SLIT3: variants seen among roughly 807,000 people sequenced by gnomAD.
The protein encoded by SLIT3 is slit homolog 3 protein.
SLIT3 carries 68 observed loss-of-function variants against 184.0 expected under a neutral mutation model. That is an observed-to-expected ratio of 0.37 (90% CI 0.30 to 0.45). The LOEUF (loss-of-function observed/expected upper bound fraction) is 0.45. SLIT3 is among the 20% of genes least tolerant of loss of function. The probability of loss-of-function intolerance (pLI) is 1.00; values close to 1 mark genes in which losing one functional copy is unlikely to be tolerated. For missense variants in SLIT3, 1,707 were observed against 2,026.0 expected, an observed-to-expected ratio of 0.84 and a Z score of 3.02; for synonymous variants, 831 against 828.6, an observed-to-expected ratio of 1.00 and a Z score of -0.05.
intron 4 of SLIT3, among the ~76,000 whole-genome samples, chr5:169,042,033 T>G (rs61210641): frequency 0.2 from 30,691 of 152,140 alleles, 4,743 homozygotes; most frequent in East Asian, 0.52. Flanking sequence ...TTCTCCCACC[T>G]GTCTTCTTGG....
intron 5 of SLIT3, among the ~76,000 whole-genome samples, chr5:168,864,142 CG>C (rs1281934620): frequency 2.0e-5 from 3 of 151,986 alleles, no homozygotes; most frequent in African/African-American, 7.2e-5. Flanking sequence ...CCCAGGAGGT[CG>C]AGGCTGCAGT....
intron 4 of SLIT3, among the ~76,000 whole-genome samples, chr5:168,956,166 CT>C (rs1341567066): frequency 6.6e-6 from 1 of 152,120 alleles, no homozygotes; most frequent in Non-Finnish European, 1.5e-5. Context: ...TCCTTCCCAC[CT>C]TATCTTGAAG....
intron 33 of SLIT3, among the ~76,000 whole-genome samples, chr5:168,672,705 C>A (rs1476176953): frequency 6.6e-6 from 1 of 152,148 alleles, no homozygotes; most frequent in Non-Finnish European, 1.5e-5. Flanking sequence ...AACTCCTGGG[C>A]TCAAGTGATC....
chr5:168,923,808 G>A (rs763640022), intron 4 of SLIT3, among the ~76,000 whole-genome samples: 2 of 152,152 alleles, frequency 1.3e-5, no homozygotes, highest in East Asian at 1.9e-4. Flanking sequence ...GAGCCATCAC[G>A]TCCTGCCAAT....
intron 4 of SLIT3, among the ~76,000 whole-genome samples, chr5:169,064,642 G>A (rs1319258946): frequency 6.6e-6 from 1 of 152,154 alleles, no homozygotes; most frequent in Non-Finnish European, 1.5e-5. Flanking sequence ...GAGTGTTACG[G>A]CTTCCCGTGC....
intron 14 of SLIT3, among the ~76,000 whole-genome samples, chr5:168,764,362 T>C (rs1755259822): frequency 6.6e-6 from 1 of 152,192 alleles, no homozygotes; most frequent in South Asian, 2.1e-4. Flanking sequence ...CTCTATTTTA[T>C]AGACGAGGAA....
chr5:169,031,989 A>C (rs2113524421), intron 4 of SLIT3, among the ~76,000 whole-genome samples: 2 of 152,282 alleles, frequency 1.3e-5, no homozygotes, highest in Admixed American at 1.3e-4. Flanking sequence ...AATAAAAAGC[A>C]CTACTTTGGA....
At chr5:168,956,233 A>G (rs1276604897) in intron 4 of SLIT3, among the ~76,000 whole-genome samples, 2 of 152,222 alleles carry the variant, frequency 1.3e-5, no homozygotes, top group East Asian at 3.8e-4. Flanking sequence ...GTAACATTAG[A>G]ACAAAAGTCA....
intron 4 of SLIT3, among the ~76,000 whole-genome samples, chr5:168,956,515 G>A (rs989459238): frequency 9.8e-5 from 15 of 152,320 alleles, no homozygotes; most frequent in Middle Eastern, 3.4e-3. Context: ...CACAGAGGGG[G>A]CCAGGCATGG....
chr5:168,692,830 G>T, intron 28 of SLIT3, 130 bp from the exon 29 acceptor site: 2 of 639,252 alleles, frequency 3.1e-6, no homozygotes, highest in Non-Finnish European at 5.6e-6. Flanking sequence ...AGGTGGGCAT[G>T]GACGTCAGGA....
Position 168,830,022 on chromosome 5 carries a change from C to A in SLIT3, c.558-6691G>T, listed in dbSNP as rs1025245086. Among the ~76,000 whole-genome samples the A allele has an allele frequency of 1.6e-4, 24 of 152,192 alleles. 1 individual carries two copies. Among genetic ancestry groups the A allele is most frequent in the Non-Finnish European group, 3.2e-4 (22 of 68,034 alleles). On this transcript the variant is annotated intron_variant, in intron 6 of 35. Coordinates refer to ENST00000519560, the MANE Select transcript of SLIT3 (RefSeq NM_003062.4). The stretch of plus-strand genomic sequence containing the variant: ...CACTCTTCTCAGTCTTGCTGGGCAG[C>A]TGCTGATGGGCAGCCAACATGGGAC...
At chr5:168,704,083 C>A (rs1355262486) in intron 26 of SLIT3, among the ~76,000 whole-genome samples, 1 of 151,458 alleles carries the variant, frequency 6.6e-6, no homozygotes, top group Non-Finnish European at 1.5e-5. Context: ...ACTGGCATGT[C>A]CTGGGAGCTG....
At chr5:169,107,163 C>T (rs1452799982) in intron 4 of SLIT3, among the ~76,000 whole-genome samples, 2 of 152,204 alleles carry the variant, frequency 1.3e-5, no homozygotes, top group East Asian at 1.9e-4. Flanking sequence ...TATGGCTGGA[C>T]CCTGCTCCTG....
chr5:169,246,921 C>CAAAA lies in SLIT3; in HGVS notation c.270-2149_270-2146dup, dbSNP rs34365189. Among the ~76,000 whole-genome samples the CAAAA allele has an allele frequency of 2.0e-4, 5 of 25,616 alleles. 1 individual carries two copies. The highest frequency in any genetic ancestry group is 6.8e-4 in the African/African-American group (4 of 5,870). The allele number at this position is 25,616 out of a possible 152,430, so 16.8% of individuals were successfully genotyped here. The stretch of plus-strand genomic sequence containing the variant: ...TGGGTGACAGAGCAAGACTCTGTCT[C>CAAAA]AAAAAAAAAAAAAAAAAAAAAAAAA... On this transcript the variant is annotated intron_variant, in intron 2 of 35. Transcript: ENST00000519560.
At chr5:168,992,996 G>A (rs1297445645) in intron 4 of SLIT3, 1 of 152,214 alleles carries the variant, frequency 6.6e-6, no homozygotes, top group African/African-American at 2.4e-5. Context: ...TCACTGGAAA[G>A]GGTGACGCGG....
intron 7 of SLIT3, among the ~76,000 whole-genome samples, chr5:168,820,959 C>G (rs896952125): frequency 2.6e-5 from 4 of 152,166 alleles, no homozygotes; most frequent in Admixed American, 1.3e-4. Context: ...GCCGTCCCCC[C>G]CAACCCCATA....
At chr5:169,240,579 C>CTTTTTTTTTTTTTTTTTTTTT (rs67955225) in intron 3 of SLIT3, among the ~76,000 whole-genome samples, 1 of 114,354 alleles carries the variant, frequency 8.7e-6, no homozygotes, top group Non-Finnish European at 1.8e-5. Context: ...CTATCATTTT[C>CTTTTTTTTTTTTTTTTTTTTT]TTTTTTTTTT....
At chr5:169,138,271 G>A (rs912083937) in intron 4 of SLIT3, among the ~76,000 whole-genome samples, 2 of 152,318 alleles carry the variant, frequency 1.3e-5, no homozygotes, top group Admixed American at 6.5e-5. Flanking sequence ...TGTCCTGGGC[G>A]ATGTGACCTA....
Position 168,919,764 on chromosome 5 carries a change from G to C in SLIT3, c.414-36428C>G, listed in dbSNP as rs1002802311. Among the ~76,000 whole-genome samples the C allele has an allele frequency of 3.9e-5, 6 of 151,934 alleles. 1 individual carries two copies. Among genetic ancestry groups the C allele is most frequent in the South Asian group, 4.2e-4 (2 of 4,808 alleles). Reference sequence around the variant, plus strand: ...TCTTTTTCAGATTAAACTCCAAAAGGCTTTACTTTTTCGATCCTAATAGTA... The same window carrying C: ...TCTTTTTCAGATTAAACTCCAAAAGCCTTTACTTTTTCGATCCTAATAGTA... On this transcript the variant is annotated intron_variant, in intron 4 of 35. Transcript: ENST00000519560.
Sources: gnomAD v4.1 joint callset for allele counts (sites outside exome capture counted in the v4.1 genomes callset) on GRCh38, gnomAD v4.1.1 for gene constraint, MANE v1.5 for transcripts, NCBI Gene and HGNC (gene_info 2026-07-23, HGNC 2026-07-21) for gene names.